Variants in GLRA1 observed in about 807,000 individuals in gnomAD.
GLRA1 encodes glycine receptor subunit alpha-1.
In GLRA1, 37 loss-of-function variants were observed where a neutral mutation model predicts 48.3. The observed-to-expected ratio is 0.77, with a 90% CI of 0.59 to 1.01. GLRA1 has a LOEUF of 1.01. GLRA1 is among the 50% of genes least tolerant of loss of function. The pLI, the probability that GLRA1 is intolerant of heterozygous loss-of-function variation, is 0.00. For missense variants in GLRA1, 427 were observed against 571.0 expected, an observed-to-expected ratio of 0.75 and a Z score of 2.57; for synonymous variants, 196 against 210.7, an observed-to-expected ratio of 0.93 and a Z score of 0.60.
chr5:151,823,159 G>A (rs1042863507), intron 8 of GLRA1, among the ~76,000 whole-genome samples, 196 bp from the exon 9 acceptor site: 13 of 152,134 alleles, frequency 8.5e-5, no homozygotes, highest in Non-Finnish European at 1.3e-4. Context: ...CTTGCCTGCT[G>A]AAACAGATGC....
At chr5:151,832,791 A>G (rs531895766) in intron 7 of GLRA1, among the ~76,000 whole-genome samples, 2 of 152,290 alleles carry the variant, frequency 1.3e-5, no homozygotes, top group South Asian at 4.1e-4. Context: ...TTCGGGAAAT[A>G]CAGAGAACAC....
chr5:151,845,795 A>G lies in GLRA1; in HGVS notation c.912+5595T>C, dbSNP rs567129572. On this transcript the variant is annotated intron_variant, in intron 7 of 8. Coordinates refer to ENST00000274576, the MANE Select transcript of GLRA1 (RefSeq NM_000171.4). Reference sequence around the variant, plus strand: ...CACAGCAGCATTATTTATAATAGCCAAAGTGAAAATAAACCAAATGCCTAA... The same window carrying G: ...CACAGCAGCATTATTTATAATAGCCGAAGTGAAAATAAACCAAATGCCTAA... 3.6e-4 allele frequency among the ~76,000 whole-genome samples: 55 copies of G among 152,370 alleles called. 1 individual carries two copies. The South Asian group carries it at 0.011, about 30-fold the overall frequency.
chr5:151,869,354 T>G lies in GLRA1; in HGVS notation c.253-9346A>C, dbSNP rs2113375711. 2.0e-5 allele frequency among the ~76,000 whole-genome samples: 3 copies of G among 150,788 alleles called. No individual in the cohort carries two copies. In the East Asian group the frequency reaches 6.2e-4, roughly 31 times the overall value. ...CCTGGCCTCAAGTGATCCACCCGCC[T>G]TGGCGTACAAAAGTGCTGGGATTAC... On this transcript the variant is annotated intron_variant, in intron 3 of 8. Coordinates refer to ENST00000274576, the MANE Select transcript of GLRA1 (RefSeq NM_000171.4).
intron 3 of GLRA1, among the ~76,000 whole-genome samples, chr5:151,883,291 T>C (rs1753805073): frequency 6.6e-6 from 1 of 152,240 alleles, no homozygotes; most frequent in South Asian, 2.1e-4. Flanking sequence ...TGAGGGGAGC[T>C]GGGCATGGCA....
intron 1 of GLRA1, among the ~76,000 whole-genome samples, chr5:151,923,496 G>A (rs1415403759): frequency 6.6e-6 from 1 of 152,208 alleles, no homozygotes; most frequent in African/African-American, 2.4e-5. Flanking sequence ...ATCCCTGCAT[G>A]TCATGGAAGA....
At chr5:151,903,624 A>T (rs1222005342) in intron 1 of GLRA1, among the ~76,000 whole-genome samples, 1 of 152,204 alleles carries the variant, frequency 6.6e-6, no homozygotes, top group Non-Finnish European at 1.5e-5. Context: ...ACATTCATTG[A>T]TCACCTGCTA....
chr5:151,892,010 G>T (rs760408556), intron 2 of GLRA1, among the ~76,000 whole-genome samples: 1 of 152,140 alleles, frequency 6.6e-6, no homozygotes, highest in Admixed American at 6.5e-5. Context: ...GCCCAAACTT[G>T]AACCCATTTC....
chr5:151,833,796 C>CAAA (rs757336792), intron 7 of GLRA1, among the ~76,000 whole-genome samples: 4 of 64,768 alleles, frequency 6.2e-5, no homozygotes, highest in East Asian at 5.2e-4. Flanking sequence ...AAGTGGAAAG[C>CAAA]AAAAAAAAAA....
At chr5:151,914,621 C>T (rs1388875301) in intron 1 of GLRA1, among the ~76,000 whole-genome samples, 1 of 152,158 alleles carries the variant, frequency 6.6e-6, no homozygotes, top group African/African-American at 2.4e-5. Context: ...GTCAGAAATT[C>T]TCCCCCACAT....
At chr5:151,865,553 C>T (rs760529085) in intron 3 of GLRA1, among the ~76,000 whole-genome samples, 1 of 151,998 alleles carries the variant, frequency 6.6e-6, no homozygotes, top group East Asian at 1.9e-4. Flanking sequence ...TAATGTGGAG[C>T]GTTTGAAGAA....
intron 1 of GLRA1, among the ~76,000 whole-genome samples, chr5:151,893,651 C>T (rs932778037): frequency 6.6e-6 from 1 of 152,070 alleles, no homozygotes; most frequent in South Asian, 2.1e-4. Context: ...AGAATGATGG[C>T]TTCCAGCTTC....
chr5:151,825,097 C>A (rs2915890), intron 8 of GLRA1, among the ~76,000 whole-genome samples: 1 of 151,860 alleles, frequency 6.6e-6, no homozygotes, highest in Non-Finnish European at 1.5e-5. Flanking sequence ...GAGGATGTGC[C>A]ACCTACAGTG....
At chr5:151,888,454 C>CT in intron 2 of GLRA1, among the ~76,000 whole-genome samples, 1 of 152,308 alleles carries the variant, frequency 6.6e-6, no homozygotes, top group Middle Eastern at 3.4e-3. Context: ...AGCTCTTGAT[C>CT]TAGGCGGTCA....
chr5:151,923,267 G>A (rs560820162), intron 1 of GLRA1, among the ~76,000 whole-genome samples: 1 of 152,316 alleles, frequency 6.6e-6, no homozygotes, highest in African/African-American at 2.4e-5. Flanking sequence ...TATTTGAGGG[G>A]AGGTGTCATT....
At chr5:151,860,973 G>A (rs946719212) in intron 3 of GLRA1, among the ~76,000 whole-genome samples, 3 of 152,156 alleles carry the variant, frequency 2.0e-5, no homozygotes, top group Non-Finnish European at 4.4e-5. Flanking sequence ...GAGAACATGC[G>A]GTGTTTGGTT....
chr5:151,848,202 G>A (rs1752731373), intron 7 of GLRA1, among the ~76,000 whole-genome samples: 1 of 152,146 alleles, frequency 6.6e-6, no homozygotes, highest in Admixed American at 6.5e-5. Context: ...AGGCTGGCTC[G>A]CTGTGCCTAG....
At chr5:151,895,607 A>C (rs1754208291) in intron 1 of GLRA1, among the ~76,000 whole-genome samples, 1 of 147,760 alleles carries the variant, frequency 6.8e-6, no homozygotes, top group African/African-American at 2.5e-5. Flanking sequence ...TTTCTCTTGC[A>C]GCATGGTGTG....
At chr5:151,848,489 C>G (rs1365056923) in intron 7 of GLRA1, among the ~76,000 whole-genome samples, 2 of 152,172 alleles carry the variant, frequency 1.3e-5, no homozygotes, top group Non-Finnish European at 2.9e-5. Context: ...ACCTCAGCCT[C>G]CTGAGTAGCT....
intron 2 of GLRA1, among the ~76,000 whole-genome samples, chr5:151,887,614 A>G (rs1753943278): frequency 6.6e-6 from 1 of 152,190 alleles, no homozygotes; most frequent in Non-Finnish European, 1.5e-5. Context: ...TAACTAGTAA[A>G]TGGGTGAGTC....
Sources: allele counts gnomAD v4.1 joint callset (sites outside exome capture counted in the v4.1 genomes callset), GRCh38; gene constraint gnomAD v4.1.1; transcripts MANE v1.5; gene names NCBI Gene and HGNC (gene_info 2026-07-23, HGNC 2026-07-21).